ATCAY: variants seen among roughly 807,000 people sequenced by gnomAD.
ATCAY encodes the protein caytaxin.
In ATCAY, 22 loss-of-function variants were observed where a neutral mutation model predicts 47.7. The ratio of observed to expected loss-of-function variants is 0.46; its 90% CI spans 0.33 to 0.66. ATCAY has a LOEUF of 0.66. Among genes scored for constraint, ATCAY ranks in the 30% least tolerant of loss-of-function variants. ATCAY has a pLI of 0.02. For missense variants in ATCAY, 452 were observed against 515.0 expected, an observed-to-expected ratio of 0.88 and a Z score of 1.18; for synonymous variants, 216 against 207.6, an observed-to-expected ratio of 1.04 and a Z score of -0.35.
intron 1 of ATCAY, among the ~76,000 whole-genome samples, chr19:3,881,802 A>G (rs1264249584): frequency 2.0e-5 from 3 of 151,566 alleles, no homozygotes. Context: ...CCGGAGAGCA[A>G]ATGCGTTTCT....
chr19:3,919,540 C>T (rs1046983677), intron 11 of ATCAY, among the ~76,000 whole-genome samples: 1 of 151,912 alleles, frequency 6.6e-6, no homozygotes, highest in African/African-American at 2.4e-5. Context: ...TGCAGTGAGC[C>T]GAGATCAGAC....
chr19:3,886,220 G>T (rs2038652819), intron 2 of ATCAY, among the ~76,000 whole-genome samples: 1 of 152,130 alleles, frequency 6.6e-6, no homozygotes, highest in Non-Finnish European at 1.5e-5. Context: ...AGGCCGAGGT[G>T]GGCGGATCAC....
intron 9 of ATCAY, among the ~76,000 whole-genome samples, chr19:3,917,448 G>A (rs1309797478): frequency 3.3e-5 from 5 of 151,682 alleles, no homozygotes; most frequent in Non-Finnish European, 5.9e-5. Context: ...GCTGGGCGTG[G>A]TAGCAGGTGC....
rs1277506232 is a variant in ATCAY, at chr19:3,928,051, T to C, written c.*3459T>C. On this transcript the variant is annotated 3_prime_UTR_variant, in exon 13 of 13. Transcript: ENST00000450849. ...CGTCTCCATGAGCTTTGGGGGGACT[T>C]TTATGTGGAATAAAGAAACTATCAC... 5 of 152,128 alleles carry C rather than the reference T, an allele frequency of 3.3e-5. No individual in the cohort carries two copies. Among genetic ancestry groups the C allele is most frequent in the Admixed American group, 3.3e-4 (5 of 15,260 alleles). The allele number at this position is 152,128 out of a possible 1,614,324, so 9.4% of individuals were successfully genotyped here.
chr19:3,911,392 C>T (rs1599143185), intron 8 of ATCAY, among the ~76,000 whole-genome samples: 2 of 151,818 alleles, frequency 1.3e-5, no homozygotes, highest in Non-Finnish European at 2.9e-5. Context: ...TGCATGGCAT[C>T]ACATGCCTGT....
At chr19:3,905,836 G>A (rs964321821) in intron 4 of ATCAY, among the ~76,000 whole-genome samples, 181 bp downstream of exon 4, 3 of 152,002 alleles carry the variant, frequency 2.0e-5, no homozygotes, top group African/African-American at 7.2e-5. Context: ...ACTCCAGCCT[G>A]GACAACAGAG....
chr19:3,887,365 G>A (rs2038666975), intron 2 of ATCAY, among the ~76,000 whole-genome samples: 1 of 152,022 alleles, frequency 6.6e-6, no homozygotes, highest in South Asian at 2.1e-4. Context: ...GGCTGAGACA[G>A]GAGGATCCCT....
intron 3 of ATCAY, among the ~76,000 whole-genome samples, chr19:3,903,804 C>A (rs970181908): frequency 1.3e-5 from 2 of 149,146 alleles, no homozygotes; most frequent in Admixed American, 6.7e-5. Flanking sequence ...GGATTACGGG[C>A]GTGAGCCACT....
At chr19:3,913,685 CTCTG>C in intron 8 of ATCAY, 69 bp from the exon 9 acceptor site, 1 of 1,170,538 alleles carries the variant, frequency 8.5e-7, no homozygotes, top group Non-Finnish European at 1.3e-6. Context: ...GTCGCCATGG[CTCTG>C]TCTGGACCTA....
chr19:3,897,263 CTA>C (rs10677459), intron 2 of ATCAY, among the ~76,000 whole-genome samples: 5,983 of 143,648 alleles, frequency 0.042, 215 homozygotes, highest in South Asian at 0.2. Flanking sequence ...TTGAAGTTTG[CTA>C]TATATATATA....
chr19:3,903,824 C>T (rs1599286356), intron 3 of ATCAY, among the ~76,000 whole-genome samples: 4 of 150,884 alleles, frequency 2.7e-5, no homozygotes, highest in South Asian at 4.2e-4. Context: ...TGCACCCGGC[C>T]GCCTGTCTCT....
rs541784344 is a variant in ATCAY at position 3,906,807 on chromosome 19, C to T, written c.359-927C>T. On this transcript the variant is annotated intron_variant, in intron 4 of 12. Coordinates refer to ENST00000450849, the MANE Select transcript of ATCAY (RefSeq NM_033064.5). The stretch of plus-strand genomic sequence containing the variant: ...CAGGGCTATGATAAGAAGAGATGGT[C>T]CTGGTCCCTACCTGCACACACAGAT... 1.1e-4 allele frequency among the ~76,000 whole-genome samples: 16 copies of T among 152,112 alleles called. 1 individual carries two copies. In the South Asian group the frequency reaches 3.3e-3, roughly 32 times the overall value.
In ATCAY at chr19:3,896,775, G is replaced by GTTGT. The variant is rs150501851; in HGVS notation, c.78-5697_78-5694dup. ...GACAGGGACCCTGGCTGGGCAAGTG[G>GTTGT]TTGTTTGTTTGTTTGTTTTGAGACG... On this transcript the variant is annotated intron_variant, in intron 2 of 12. Transcript: ENST00000450849. Among the ~76,000 whole-genome samples, 87 of 151,932 alleles carry GTTGT rather than the reference G, an allele frequency of 5.7e-4. 1 individual carries two copies. The highest frequency in any genetic ancestry group is 1.4e-3 in the Admixed American group (21 of 15,228).
chr19:3,915,513 G>A (rs931381031), intron 9 of ATCAY, among the ~76,000 whole-genome samples: 5 of 147,098 alleles, frequency 3.4e-5, no homozygotes, highest in African/African-American at 7.5e-5. Context: ...AAGCACATTC[G>A]CATATTTGTG....
At chr19:3,898,427 C>T (rs928799834) in intron 2 of ATCAY, among the ~76,000 whole-genome samples, 4 of 152,180 alleles carry the variant, frequency 2.6e-5, no homozygotes, top group Non-Finnish European at 4.4e-5. Flanking sequence ...TCAATGAACC[C>T]GCCCGCATCA....
intron 8 of ATCAY, among the ~76,000 whole-genome samples, chr19:3,913,085 GGAGACTA>G (rs1436349571): frequency 2.6e-5 from 4 of 151,962 alleles, no homozygotes; most frequent in African/African-American, 9.7e-5. Context: ...GTCAGGAGTT[GGAGACTA>G]GCCTGGCCAA....
Position 3,909,590 on chromosome 19 carries a change from A to G in ATCAY, c.752A>G (p.Lys251Arg), listed in dbSNP as rs1337604986. 1 of 1,609,104 alleles carries G rather than the reference A, an allele frequency of 6.2e-7. No individual in the cohort carries two copies. Among genetic ancestry groups the G allele is most frequent in the South Asian group, 1.1e-5 (1 of 90,342 alleles). Residue 251 changes from lysine (K) to arginine (R), a missense_variant, in exon 7 of 13, where the codon AAG (lysine) becomes AGG (arginine). Physicochemically the swap from Lys to Arg is conservative, Grantham distance 26. Transcript: ENST00000450849. ...RRRMPGIGWL[K>R]KCYQMIDRRL... ...AGGATGCCTGGAATCGGCTGGCTGA[A>G]GAAGTGCTACCAGATGATCGACCGG...
chr19:3,886,235 G>C (rs958601011), intron 2 of ATCAY, among the ~76,000 whole-genome samples: 30 of 152,098 alleles, frequency 2.0e-4, no homozygotes, highest in East Asian at 7.7e-4. Flanking sequence ...GATCACTTGA[G>C]GTCAGGAGTT....
chr19:3,898,157 T>G (rs1001733237), intron 2 of ATCAY, among the ~76,000 whole-genome samples: 2 of 152,096 alleles, frequency 1.3e-5, no homozygotes, highest in African/African-American at 4.8e-5. Flanking sequence ...CTGTGAGAAT[T>G]TACGTGTTCT....
Sources: gnomAD v4.1 joint callset for allele counts (sites outside exome capture counted in the v4.1 genomes callset) on GRCh38, gnomAD v4.1.1 for gene constraint, MANE v1.5 for transcripts, NCBI Gene and HGNC (gene_info 2026-07-23, HGNC 2026-07-21) for gene names.